TRIM44: variants seen among roughly 807,000 people sequenced by gnomAD.
The protein encoded by TRIM44 is tripartite motif containing 44, also known as tripartite motif-containing protein 44.
A neutral mutation model predicts 37.4 loss-of-function variants in TRIM44; 13 were observed. The observed-to-expected ratio is 0.35, with a 90% confidence interval of 0.23 to 0.55. The LOEUF is 0.55. TRIM44 is among the 20% of genes least tolerant of loss of function. TRIM44 has a pLI of 0.89. For synonymous variants in TRIM44, 175 were observed against 157.2 expected (o/e 1.11, Z -0.85); for missense variants, 426 against 437.2 (o/e 0.97, Z 0.23).
intron 4 of TRIM44, among the ~76,000 whole-genome samples, chr11:35,741,178 G>C (rs1852392465): frequency 6.6e-6 from 1 of 152,158 alleles, no homozygotes; most frequent in South Asian, 2.1e-4. Context: ...ATTATGCAAA[G>C]TGGGGTGCCA....
rs1191753236 is a variant in TRIM44, at chr11:35,812,076, T to G, written c.*5691T>G. On this transcript the variant is annotated 3_prime_UTR_variant, in exon 5 of 5. Coordinates refer to ENST00000299413, the MANE Select transcript of TRIM44 (RefSeq NM_017583.6). ...TGTGTTTGGAGGTTTTCTTCCCTGC[T>G]TCCTGGTGCCAGTATCTCAACACCA... 1 of 152,260 alleles carries G rather than the reference T, an allele frequency of 6.6e-6. No individual in the cohort carries two copies. The highest frequency in any genetic ancestry group is 2.4e-5 in the African/African-American group (1 of 41,460). The allele number at this position is 152,260 out of a possible 1,614,324, so 9.4% of individuals were successfully genotyped here. A position where few individuals can be genotyped will look rare whatever the true frequency, so the allele number is the denominator to read the frequency against.
chr11:35,714,592 CTG>C (rs1051099154), intron 2 of TRIM44, among the ~76,000 whole-genome samples: 2 of 152,098 alleles, frequency 1.3e-5, no homozygotes, highest in African/African-American at 2.4e-5. Context: ...ATACAAATAA[CTG>C]TGGCTTTATA....
intron 1 of TRIM44, among the ~76,000 whole-genome samples, chr11:35,675,178 G>C (rs566298174): frequency 6.6e-6 from 1 of 152,340 alleles, no homozygotes; most frequent in Admixed American, 6.5e-5. Context: ...AGATGAACAT[G>C]AAGTATGTGA....
Position 35,663,089 on chromosome 11 carries a change from C to T in TRIM44, c.-23C>T, listed in dbSNP as rs1429653984. The stretch of plus-strand genomic sequence containing the variant: ...GCGGCGAGCCCCGGGGCCCCGAGGC[C>T]TTGGCCGCGTCACAGCACCCACATG... On this transcript the variant is annotated 5_prime_UTR_variant, in exon 1 of 5. Coordinates refer to ENST00000299413, the MANE Select transcript of TRIM44 (RefSeq NM_017583.6). The T allele has an allele frequency of 6.0e-6, 9 of 1,496,656 alleles. No homozygotes were observed. Among genetic ancestry groups the T allele is most frequent in the East Asian group, 2.3e-5 (1 of 43,584 alleles). The allele number at this position is 1,496,656 out of a possible 1,614,324, so 92.7% of individuals were successfully genotyped here. A position where few individuals can be genotyped will look rare whatever the true frequency, so the allele number is the denominator to read the frequency against.
intron 4 of TRIM44, among the ~76,000 whole-genome samples, chr11:35,784,593 G>A (rs1036935997): frequency 3.3e-5 from 5 of 152,180 alleles, no homozygotes; most frequent in African/African-American, 1.2e-4. Flanking sequence ...ATTTAGAATG[G>A]GTGTGTATTT....
Position 35,817,208 on chromosome 11 carries a change from AC to A in TRIM44, c.*10825del, listed in dbSNP as rs1342278646. 1.3e-5 allele frequency: 2 copies of A among 152,108 alleles called. No individual in the cohort carries two copies. The highest frequency in any genetic ancestry group is 2.9e-5 in the Non-Finnish European group (2 of 68,012). The allele number at this position is 152,108 out of a possible 1,614,324, so 9.4% of individuals were successfully genotyped here. A position where few individuals can be genotyped will look rare whatever the true frequency, so the allele number is the denominator to read the frequency against. ...ATCTTCATGCAGAAAACTGAAAGAT[AC>A]CTTTAGCTACATCTACCCCAGAATG... is the stretch of plus-strand genomic sequence containing the variant. On this transcript the variant is annotated 3_prime_UTR_variant, in exon 5 of 5. Coordinates refer to ENST00000299413, the MANE Select transcript of TRIM44 (RefSeq NM_017583.6).
rs956644341 is a variant in TRIM44, at chr11:35,810,556, G to A, written c.*4171G>A. On this transcript the variant is annotated 3_prime_UTR_variant, in exon 5 of 5. Coordinates refer to ENST00000299413, the MANE Select transcript of TRIM44 (RefSeq NM_017583.6). ...AGGCAGTTCTTGATTCTGGAGGCCT[G>A]CCTGGTAAGATAAGATAGTATAATT... is the stretch of plus-strand genomic sequence containing the variant. 1 of 152,130 alleles carries A rather than the reference G, an allele frequency of 6.6e-6. No homozygotes were observed. Among genetic ancestry groups the A allele is most frequent in the Non-Finnish European group, 1.5e-5 (1 of 68,022 alleles). The allele number at this position is 152,130 out of a possible 1,614,324, so 9.4% of individuals were successfully genotyped here. A position where few individuals can be genotyped will look rare whatever the true frequency, so the allele number is the denominator to read the frequency against.
intron 1 of TRIM44, among the ~76,000 whole-genome samples, chr11:35,681,637 T>G (rs1315402780): frequency 6.6e-6 from 1 of 152,186 alleles, no homozygotes; most frequent in Non-Finnish European, 1.5e-5. Flanking sequence ...GACAATCATT[T>G]CTAAAAATGG....
At chr11:35,737,665 C>G (rs954248816) in intron 4 of TRIM44, among the ~76,000 whole-genome samples, 22 of 151,980 alleles carry the variant, frequency 1.4e-4, no homozygotes, top group Non-Finnish European at 2.2e-4. Flanking sequence ...GTGAAACCCT[C>G]TCTCTACCAA....
intron 4 of TRIM44, among the ~76,000 whole-genome samples, chr11:35,803,292 A>G (rs1463300410): frequency 2.0e-5 from 3 of 151,974 alleles, no homozygotes; most frequent in Non-Finnish European, 4.4e-5. Flanking sequence ...AAAAAAAATG[A>G]AACAGCCATT....
At chr11:35,786,513 C>T (rs1358592875) in intron 4 of TRIM44, among the ~76,000 whole-genome samples, 2 of 152,182 alleles carry the variant, frequency 1.3e-5, no homozygotes, top group African/African-American at 2.4e-5. Flanking sequence ...GTAACAGCTA[C>T]TGAGGCCTGG....
At chr11:35,696,169 C>T (rs1320957047) in intron 2 of TRIM44, among the ~76,000 whole-genome samples, 4 of 144,688 alleles carry the variant, frequency 2.8e-5, no homozygotes, top group African/African-American at 7.8e-5. Context: ...GACGGAGTCT[C>T]GAGATGCTCT....
At chr11:35,720,964 C>T (rs576606184) in intron 2 of TRIM44, among the ~76,000 whole-genome samples, 19 of 150,870 alleles carry the variant, frequency 1.3e-4, no homozygotes, top group African/African-American at 4.4e-4. Context: ...AGTGCAGTGG[C>T]ACCATCTCCC....
chr11:35,757,343 G>C (rs1486303794), intron 4 of TRIM44, among the ~76,000 whole-genome samples: 1 of 152,140 alleles, frequency 6.6e-6, no homozygotes, highest in Non-Finnish European at 1.5e-5. Context: ...GGGATCTGTG[G>C]TGATATCCCC....
At chr11:35,774,491 T>C (rs1398740902) in intron 4 of TRIM44, among the ~76,000 whole-genome samples, 2 of 152,226 alleles carry the variant, frequency 1.3e-5, no homozygotes, top group Non-Finnish European at 2.9e-5. Flanking sequence ...CATTTGTCAA[T>C]TTTGGCTTTT....
intron 2 of TRIM44, among the ~76,000 whole-genome samples, chr11:35,690,112 AC>A (rs1487657811): frequency 1.1e-4 from 16 of 152,272 alleles, no homozygotes; most frequent in African/African-American, 3.6e-4. Flanking sequence ...ATCTGATCAT[AC>A]CCAAGGCTTC....
intron 2 of TRIM44, among the ~76,000 whole-genome samples, chr11:35,718,669 A>G (rs1423462849): frequency 6.6e-6 from 1 of 152,154 alleles, no homozygotes; most frequent in African/African-American, 2.4e-5. Flanking sequence ...CCATTAAAAT[A>G]TCATACAGAG....
Position 35,666,349 on chromosome 11 carries a change from A to T in TRIM44, c.669+2569A>T, listed in dbSNP as rs1400391255. ...AAAGCAGGTCCTTCCATCTTGTCCTACAAGAGTGTGTTGGCCAGTTTTGGC... is the reference window on the plus strand; with the variant it reads ...AAAGCAGGTCCTTCCATCTTGTCCTTCAAGAGTGTGTTGGCCAGTTTTGGC... On this transcript the variant is annotated intron_variant, in intron 1 of 4. Transcript: ENST00000299413. 3.3e-5 allele frequency among the ~76,000 whole-genome samples: 5 copies of T among 152,278 alleles called. No individual in the cohort carries two copies. In the South Asian group the frequency reaches 1.0e-3, roughly 32 times the overall value.
intron 4 of TRIM44, among the ~76,000 whole-genome samples, chr11:35,767,979 C>T (rs143421149): frequency 1.8e-4 from 27 of 152,248 alleles, no homozygotes; most frequent in African/African-American, 6.0e-4. Context: ...TCTAAAACCA[C>T]GGTTAGTTTG....
Sources: allele counts gnomAD v4.1 joint callset (sites outside exome capture counted in the v4.1 genomes callset), GRCh38; gene constraint gnomAD v4.1.1; transcripts MANE v1.5; gene names NCBI Gene and HGNC (gene_info 2026-07-23, HGNC 2026-07-21).